The following OGDH variants were observed in gnomAD, a reference collection of about 807,000 sequenced individuals.
OGDH encodes the protein 2-oxoglutarate dehydrogenase complex component E1.
OGDH carries 38 observed loss-of-function variants against 116.6 expected under a neutral mutation model. The ratio of observed to expected loss-of-function variants is 0.33; its 90% confidence interval spans 0.25 to 0.43. The LOEUF (loss-of-function observed/expected upper bound fraction) is 0.43, where lower values mean the gene tolerates loss of function less well. Ranked by LOEUF, OGDH falls within the 20% of genes least tolerant of loss-of-function variation. The pLI is 1.00. For synonymous variants in OGDH, 488 were observed against 533.3 expected (o/e 0.92, Z 1.17); for missense variants, 825 against 1,357.2 (o/e 0.61, Z 6.16).
chr7:44,624,518 G>A lies in OGDH; in HGVS notation c.175G>A (p.Glu59Lys). The change falls in exon 2 of 23, where the codon GAG becomes AAG. Residue 59 changes from glutamate (E) to lysine (K), a missense_variant. By Grantham distance (56) the Glu-to-Lys change is moderately conservative. This residue lies in a region of OGDH where 126 missense variants were observed against 130.4 expected (regional missense o/e 0.97). Transcript: ENST00000222673. ...CAGTGGGACTAGTTCGAACTATGTG[G>A]AGGAGATGTACTGTGCTTGGCTGGA... is the stretch of plus-strand genomic sequence containing the variant. ...FLSGTSSNYVEEMYCAWLENP... is the reference protein window; with the variant it reads ...FLSGTSSNYVKEMYCAWLENP... 1 of 1,613,968 alleles carries A rather than the reference G, an allele frequency of 6.2e-7. No individual in the cohort carries two copies. Among genetic ancestry groups the A allele is most frequent in the Non-Finnish European group, 8.5e-7 (1 of 1,180,000 alleles).
At chr7:44,661,278 C>T (rs963149810) in intron 4 of OGDH, among the ~76,000 whole-genome samples, 5 of 152,196 alleles carry the variant, frequency 3.3e-5, no homozygotes, top group Admixed American at 3.3e-4. Context: ...TTCCTACTTA[C>T]ATTTGATTAA....
chr7:44,694,830 C>T lies in OGDH; in HGVS notation c.1668+254C>T, dbSNP rs1259333009. Among the ~76,000 whole-genome samples the T allele has an allele frequency of 6.6e-6, 1 of 152,196 alleles. No individual in the cohort carries two copies. Among genetic ancestry groups the T allele is most frequent in the East Asian group, 1.9e-4 (1 of 5,194 alleles). On this transcript the variant is annotated intron_variant, in intron 12 of 22. Transcript: ENST00000222673. This position sits in a 1 kb window ranked among gnomAD's most constrained non-coding sequence, Gnocchi z 4.2. ...GGATGTTTTCAGGTTGAGGTAGTAG[C>T]AGCCCAGTAGGTTTTCTCAGATTTC...
chr7:44,617,473 G>GA (rs1209264444), intron 1 of OGDH, among the ~76,000 whole-genome samples: 1 of 151,648 alleles, frequency 6.6e-6, no homozygotes, highest in Non-Finnish European at 1.5e-5. Flanking sequence ...ATCTAGCAAT[G>GA]AAAAAAAACT....
intron 2 of OGDH, among the ~76,000 whole-genome samples, chr7:44,625,136 GT>G (rs1229096245): frequency 4.0e-5 from 6 of 151,812 alleles, no homozygotes; most frequent in African/African-American, 1.5e-4. Flanking sequence ...TGTTTGTTTT[GT>G]TTTGTTTCAG....
intron 2 of OGDH, among the ~76,000 whole-genome samples, chr7:44,629,918 T>C (rs1785364431): frequency 6.6e-6 from 1 of 152,212 alleles, no homozygotes; most frequent in Admixed American, 6.5e-5. Context: ...TCTTGCACTT[T>C]TCACGTGTCA....
chr7:44,663,236 A>T (rs977142080), intron 4 of OGDH, among the ~76,000 whole-genome samples: 8 of 152,224 alleles, frequency 5.3e-5, no homozygotes, highest in South Asian at 2.1e-4. Context: ...TTGATTTTTT[A>T]AAAAAATTCT....
At position 44,667,679 on chromosome 7, in the gene OGDH, A is replaced by C. The variant is rs367962591; in HGVS notation, c.633+828A>C. Among the ~76,000 whole-genome samples, 52 of 152,274 alleles carry C rather than the reference A, an allele frequency of 3.4e-4. 1 individual carries two copies. The highest frequency in any genetic ancestry group is 1.2e-3 in the African/African-American group (50 of 41,546). On this transcript the variant is annotated intron_variant, in intron 5 of 22. Coordinates refer to ENST00000222673, the MANE Select transcript of OGDH (RefSeq NM_002541.4). Reference sequence around the variant, plus strand: ...TCCTGGGCAAGTCATAGCCTCCCTCAGTATAAGGGTGACTTCTATGCCCAT... The same window carrying C: ...TCCTGGGCAAGTCATAGCCTCCCTCCGTATAAGGGTGACTTCTATGCCCAT...
intron 1 of OGDH, among the ~76,000 whole-genome samples, chr7:44,616,285 C>G (rs1784764099): frequency 6.6e-6 from 1 of 152,148 alleles, no homozygotes; most frequent in African/African-American, 2.4e-5. Flanking sequence ...TACACCCTCC[C>G]CAGTCAACCT....
At chr7:44,636,951 C>T (rs1444925324) in intron 2 of OGDH, among the ~76,000 whole-genome samples, 1 of 152,116 alleles carries the variant, frequency 6.6e-6, no homozygotes, top group Non-Finnish European at 1.5e-5. Flanking sequence ...CACAAGCTCC[C>T]TGCCTGCGAA....
intron 1 of OGDH, among the ~76,000 whole-genome samples, chr7:44,619,149 G>A (rs1224368370): frequency 6.6e-6 from 1 of 152,168 alleles, no homozygotes; most frequent in South Asian, 2.1e-4. Context: ...ACCTTGACCT[G>A]TGCAACTCTT....
rs77040177 is a variant in OGDH, at chr7:44,707,885, C to T, written c.2958C>T (p.Ala986=). 1.1e-4 allele frequency: 170 copies of T among 1,612,670 alleles called. No homozygotes were observed. The African/African-American group carries it at 1.7e-3, about 16-fold the overall frequency. The part of the protein sequence containing the change: ...TISRAKPVWY[A]GRDPAAAPAT... ...CCCTCCCTCCATCTCTCAGGTATGC[C>T]GGCCGGGACCCAGCGGCTGCTCCAG... Residue 986 remains alanine (A), a synonymous_variant, in exon 23 of 23, where the codon GCC becomes GCT. Coordinates refer to ENST00000222673, the MANE Select transcript of OGDH (RefSeq NM_002541.4). This position sits in a 1 kb window ranked among gnomAD's most constrained non-coding sequence, Gnocchi z 5.2.
chr7:44,616,518 C>T (rs768499886), intron 1 of OGDH, among the ~76,000 whole-genome samples: 62 of 151,724 alleles, frequency 4.1e-4, no homozygotes, highest in Non-Finnish European at 7.2e-4. Flanking sequence ...ACCAGTTGAC[C>T]GCCACTCCAA....
chr7:44,643,094 TAAAAA>T (rs769649359), intron 2 of OGDH, among the ~76,000 whole-genome samples: 69 of 124,470 alleles, frequency 5.5e-4, no homozygotes, highest in East Asian at 2.3e-3. Flanking sequence ...CCTGTTTCTT[TAAAAA>T]AAAAAAAAAA....
intron 10 of OGDH, among the ~76,000 whole-genome samples, chr7:44,689,971 T>A (rs1028819529): frequency 1.1e-4 from 16 of 152,252 alleles, no homozygotes; most frequent in Non-Finnish European, 1.9e-4. Context: ...AAGTTTTACC[T>A]CCTATGCTTT....
At chr7:44,613,935 T>C (rs1373211194) in intron 1 of OGDH, among the ~76,000 whole-genome samples, 1 of 151,116 alleles carries the variant, frequency 6.6e-6, no homozygotes, top group African/African-American at 2.4e-5. Flanking sequence ...GCCTCCCGAG[T>C]AGCTGGGATT....
At chr7:44,630,213 A>T (rs1406963141) in intron 2 of OGDH, among the ~76,000 whole-genome samples, 5 of 152,192 alleles carry the variant, frequency 3.3e-5, no homozygotes, top group Admixed American at 6.5e-5. Context: ...GAAAAATAGG[A>T]CTATGGTACC....
chr7:44,666,092 G>A (rs1787171813), intron 4 of OGDH, among the ~76,000 whole-genome samples: 1 of 152,162 alleles, frequency 6.6e-6, no homozygotes, highest in Admixed American at 6.5e-5. Flanking sequence ...GGCTCAGAAC[G>A]CATAGTTCAG....
At position 44,697,897 on chromosome 7, in the gene OGDH, T is replaced by C; in HGVS notation, c.2358+115T>C. 2 of 1,238,826 alleles carry C rather than the reference T, an allele frequency of 1.6e-6. No homozygotes were observed. Among genetic ancestry groups the C allele is most frequent in the Non-Finnish European group, 2.2e-6 (2 of 909,190 alleles). The allele number at this position is 1,238,826 out of a possible 1,614,324, so 76.7% of individuals were successfully genotyped here. Reference sequence around the variant, plus strand: ...GCTCACACCAGCCTCCTAAGGACTCTGCTGGTGCTTCCCATCCATCTCAGA... The same window carrying C: ...GCTCACACCAGCCTCCTAAGGACTCCGCTGGTGCTTCCCATCCATCTCAGA... On this transcript the variant is annotated intron_variant, in intron 17 of 22. Coordinates refer to ENST00000222673, the MANE Select transcript of OGDH (RefSeq NM_002541.4). This position sits in a 1 kb window ranked among gnomAD's most constrained non-coding sequence, Gnocchi z 6.0.
intron 8 of OGDH, 117 bp from the exon 9 acceptor site, chr7:44,675,853 G>A (rs1787668382): frequency 4.7e-6 from 5 of 1,065,956 alleles, no homozygotes; most frequent in Admixed American, 4.7e-5. Flanking sequence ...CTCCAACCTG[G>A]GCAACAAGAG....
Sources: allele counts gnomAD v4.1 joint callset (sites outside exome capture counted in the v4.1 genomes callset), GRCh38; gene constraint gnomAD v4.1.1; regional missense constraint gnomAD v4.1.1; non-coding constraint Gnocchi (gnomAD v3.1); transcripts MANE v1.5; gene names NCBI Gene and HGNC (gene_info 2026-07-23, HGNC 2026-07-21).